The following ASB4 variants were observed in gnomAD, a reference collection of about 807,000 sequenced individuals.
ASB4 encodes ankyrin repeat and SOCS box protein 4.
ASB4 carries 35 observed loss-of-function variants against 38.6 expected under a neutral mutation model. The ratio of observed to expected loss-of-function variants is 0.91; its 90% CI spans 0.69 to 1.20. ASB4 has a LOEUF of 1.20. Among genes scored for constraint, ASB4 ranks in the 50% most tolerant of loss-of-function variants. The pLI is 0.00. For synonymous variants in ASB4, 195 were observed against 201.3 expected, an observed-to-expected ratio of 0.97 and a Z score of 0.26; for missense variants, 557 against 527.2, an observed-to-expected ratio of 1.06 and a Z score of -0.55.
intron 2 of ASB4, among the ~76,000 whole-genome samples, chr7:95,515,345 C>T (rs1790565755): frequency 8.4e-6 from 1 of 119,686 alleles, no homozygotes; most frequent in Admixed American, 8.5e-5. Context: ...TTCTTTCTTT[C>T]TTTCTTTTTC....
chr7:95,512,700 T>C (rs1257216430), intron 2 of ASB4, among the ~76,000 whole-genome samples: 1 of 152,174 alleles, frequency 6.6e-6, no homozygotes, highest in Non-Finnish European at 1.5e-5. Context: ...AGAGCAGACT[T>C]TGGGTAATGC....
At chr7:95,522,156 A>G (rs1790672427) in intron 2 of ASB4, among the ~76,000 whole-genome samples, 1 of 152,146 alleles carries the variant, frequency 6.6e-6, no homozygotes, top group African/African-American at 2.4e-5. Context: ...TAAACACAAA[A>G]TAATTTTGAG....
intron 1 of ASB4, among the ~76,000 whole-genome samples, chr7:95,493,228 T>A (rs138706237): frequency 8.8e-4 from 134 of 152,258 alleles, no homozygotes; most frequent in African/African-American, 3.1e-3. Context: ...CTTTAAACAA[T>A]CCTCAGTCCA....
At chr7:95,524,753 GAGAC>G (rs1790713914) in intron 2 of ASB4, among the ~76,000 whole-genome samples, 1 of 152,162 alleles carries the variant, frequency 6.6e-6, no homozygotes, top group Non-Finnish European at 1.5e-5. Flanking sequence ...TGACCATGTG[GAGAC>G]ACAAATGAGA....
At chr7:95,524,214 T>C (rs1230136517) in intron 2 of ASB4, among the ~76,000 whole-genome samples, 1 of 152,226 alleles carries the variant, frequency 6.6e-6, no homozygotes, top group Non-Finnish European at 1.5e-5. Flanking sequence ...GTGCTTGGGA[T>C]AGCCTGACAC....
At chr7:95,517,899 G>C (rs1790606856) in intron 2 of ASB4, among the ~76,000 whole-genome samples, 1 of 152,178 alleles carries the variant, frequency 6.6e-6, no homozygotes, top group Non-Finnish European at 1.5e-5. Context: ...AAAAGCTTAA[G>C]TATGCTTAGA....
At position 95,524,774 on chromosome 7, in the gene ASB4, A is replaced by G. The variant is rs1167735202; in HGVS notation, c.488-3039A>G. ...TGTGGAGACACAAATGAGACAGCCA[A>G]GTATAATCGGGTCCCCAGAGACCCT... On this transcript the variant is annotated intron_variant, in intron 2 of 4. Coordinates refer to ENST00000325885, the MANE Select transcript of ASB4 (RefSeq NM_016116.3). 3.3e-5 allele frequency among the ~76,000 whole-genome samples: 5 copies of G among 152,190 alleles called. No individual in the cohort carries two copies. The East Asian group carries it at 9.6e-4, about 29-fold the overall frequency.
At chr7:95,484,442 A>C (rs571512983), upstream of ASB4, among the ~76,000 whole-genome samples, 1 of 152,338 alleles carries the variant, frequency 6.6e-6, no homozygotes, top group South Asian at 2.1e-4. Context: ...GCTTCAGGTA[A>C]ACTTGAACTA....
the ASB4 span, among the ~76,000 whole-genome samples, chr7:95,551,246 G>T: frequency 6.6e-6 from 1 of 152,120 alleles, no homozygotes; most frequent in Non-Finnish European, 1.5e-5. Flanking sequence ...CTCCCTAAAT[G>T]CTGGGATTAC....
chr7:95,501,629 C>T (rs1174014558), intron 2 of ASB4, among the ~76,000 whole-genome samples: 1 of 152,164 alleles, frequency 6.6e-6, no homozygotes, highest in Non-Finnish European at 1.5e-5. Flanking sequence ...GTAACTGAAA[C>T]TTTGTTAACT....
At chr7:95,480,409 C>G (rs113692909) in intron 1 of ASB4, among the ~76,000 whole-genome samples, 1 of 152,122 alleles carries the variant, frequency 6.6e-6, no homozygotes, top group African/African-American at 2.4e-5. Context: ...GTTTTCACAC[C>G]TTTAACAAAA....
intron 2 of ASB4, among the ~76,000 whole-genome samples, chr7:95,517,765 G>A (rs1221526414): frequency 6.6e-6 from 1 of 152,066 alleles, no homozygotes; most frequent in Non-Finnish European, 1.5e-5. Flanking sequence ...AAGGTTTGAT[G>A]GACTGAGGAG....
chr7:95,507,150 G>GT (rs969344973), intron 2 of ASB4, among the ~76,000 whole-genome samples: 6 of 151,896 alleles, frequency 4.0e-5, no homozygotes, highest in African/African-American at 1.2e-4. Context: ...TTGTTTGTTT[G>GT]TTTTTTTGCT....
At chr7:95,490,766 G>T (rs1196064606) in intron 1 of ASB4, among the ~76,000 whole-genome samples, 1 of 152,240 alleles carries the variant, frequency 6.6e-6, no homozygotes, top group Admixed American at 6.5e-5. Context: ...TTTCTACCCA[G>T]CTATTGGGGC....
chr7:95,529,739 A>G (rs1415711188), intron 3 of ASB4, among the ~76,000 whole-genome samples: 1 of 152,352 alleles, frequency 6.6e-6, no homozygotes, highest in Non-Finnish European at 1.5e-5. Flanking sequence ...GAATAATGTT[A>G]CAGTAACTGT....
At chr7:95,513,101 C>G (rs73235071) in intron 2 of ASB4, among the ~76,000 whole-genome samples, 2 of 151,760 alleles carry the variant, frequency 1.3e-5, no homozygotes, top group East Asian at 3.9e-4. Flanking sequence ...TTCTACCCAC[C>G]ATTGTTAGCT....
chr7:95,522,814 T>C (rs1790682173), intron 2 of ASB4, among the ~76,000 whole-genome samples: 1 of 152,200 alleles, frequency 6.6e-6, no homozygotes, highest in South Asian at 2.1e-4. Context: ...AATCTGAAAA[T>C]TCCCTCTTCT....
At position 95,486,077 on chromosome 7, in the gene ASB4, A is replaced by C. The variant is rs766559083; in HGVS notation, c.106A>C (p.Ile36Leu). 6.2e-7 allele frequency: 1 copy of C among 1,614,178 alleles called. No homozygotes were observed. The highest frequency in any genetic ancestry group is 8.5e-7 in the Non-Finnish European group (1 of 1,180,006). Residue 36 changes from isoleucine (I) to leucine (L), a missense_variant, in exon 1 of 5, where the codon ATT (isoleucine) becomes CTT (leucine). Transcript: ENST00000325885. ...CAATGACTTCGGAAAATTGAAGGCT[A>C]TTTTGATCCAAAGGCAAATAGATGT... Reference protein sequence around the residue: ...KSNDFGKLKAILIQRQIDVDT... With the variant: ...KSNDFGKLKALLIQRQIDVDT...
At chr7:95,484,445 T>TA (rs1790056900), upstream of ASB4, among the ~76,000 whole-genome samples, 2 of 152,244 alleles carry the variant, frequency 1.3e-5, no homozygotes, top group Non-Finnish European at 2.9e-5. Context: ...TCAGGTAAAC[T>TA]TGAACTAGTC....
Sources: gnomAD v4.1 joint callset for allele counts (sites outside exome capture counted in the v4.1 genomes callset) on GRCh38, gnomAD v4.1.1 for gene constraint, MANE v1.5 for transcripts, NCBI Gene and HGNC (gene_info 2026-07-23, HGNC 2026-07-21) for gene names.